COX7B2: variants seen among roughly 807,000 people sequenced by gnomAD.
COX7B2 encodes cytochrome c oxidase subunit 7B2.
For missense variants in COX7B2, 109 were observed against 95.9 expected (o/e 1.14, Z -0.57); for synonymous variants, 37 against 32.1 (o/e 1.15, Z -0.51).
chr4:46,816,872 T>C (rs1466217752), intron 2 of COX7B2, among the ~76,000 whole-genome samples: 12 of 152,182 alleles, frequency 7.9e-5, no homozygotes, highest in Admixed American at 7.9e-4. Flanking sequence ...GAGTCCTACT[T>C]TGAAGTCCTT....
chr4:46,770,856 G>A (rs1020554596), intron 2 of COX7B2, among the ~76,000 whole-genome samples: 4 of 152,016 alleles, frequency 2.6e-5, no homozygotes, highest in Non-Finnish European at 5.9e-5. Flanking sequence ...AAATAAGACC[G>A]GAAACTGTAA....
intron 1 of COX7B2, among the ~76,000 whole-genome samples, chr4:46,884,161 T>A (rs188032516): frequency 8.1e-6 from 1 of 123,258 alleles, no homozygotes; most frequent in Admixed American, 9.5e-5. Flanking sequence ...TATCTAATTA[T>A]GTGTGAGGGG....
intron 2 of COX7B2, among the ~76,000 whole-genome samples, chr4:46,807,337 T>A (rs1174678145): frequency 6.6e-6 from 1 of 151,996 alleles, no homozygotes; most frequent in East Asian, 1.9e-4. Context: ...TCATGTCTTC[T>A]GACCATGATT....
In COX7B2 at chr4:46,756,925, C is replaced by T. The variant is rs148390195; in HGVS notation, c.-49-21684G>A. Among the ~76,000 whole-genome samples, 126 of 152,050 alleles carry T rather than the reference C, an allele frequency of 8.3e-4. No individual in the cohort carries two copies. In the East Asian group the frequency reaches 0.018, roughly 22 times the overall value. ...AGAACTACCATTCAATCCAGCAATC[C>T]AACTACTGGGTATATACCCAAAGGA... On this transcript the variant is annotated intron_variant, in intron 2 of 2. Coordinates refer to ENST00000355591, the MANE Select transcript of COX7B2 (RefSeq NM_130902.3).
At chr4:46,736,039 A>G (rs996756280) in intron 2 of COX7B2, among the ~76,000 whole-genome samples, 1 of 152,190 alleles carries the variant, frequency 6.6e-6, no homozygotes, top group Non-Finnish European at 1.5e-5. Flanking sequence ...CCCAAAGTCC[A>G]TAGTTTACAT....
chr4:46,767,521 C>T (rs1455553839), intron 2 of COX7B2, among the ~76,000 whole-genome samples: 1 of 152,142 alleles, frequency 6.6e-6, no homozygotes, highest in Admixed American at 6.5e-5. Flanking sequence ...CAGACATATA[C>T]AGAACATTCT....
At chr4:46,812,161 T>C (rs1379259882) in intron 2 of COX7B2, among the ~76,000 whole-genome samples, 1 of 152,108 alleles carries the variant, frequency 6.6e-6, no homozygotes. Flanking sequence ...GCTGTGGAAC[T>C]GGGTTCCTGG....
At chr4:46,906,471 G>T (rs1015210847) in intron 1 of COX7B2, among the ~76,000 whole-genome samples, 1 of 152,132 alleles carries the variant, frequency 6.6e-6, no homozygotes, top group Non-Finnish European at 1.5e-5. Context: ...CTTTCAGAAA[G>T]TTTTAACTGT....
chr4:46,882,415 G>A (rs1560435862), intron 1 of COX7B2, among the ~76,000 whole-genome samples: 1 of 152,106 alleles, frequency 6.6e-6, no homozygotes, highest in Non-Finnish European at 1.5e-5. Context: ...TACTATTATT[G>A]TGTGGGAATC....
intron 2 of COX7B2, among the ~76,000 whole-genome samples, chr4:46,774,048 T>A (rs568430379): frequency 6.6e-6 from 1 of 152,164 alleles, no homozygotes; most frequent in Non-Finnish European, 1.5e-5. Context: ...AATCTCCTGC[T>A]AGACAGTCAG....
At chr4:46,875,929 T>C (rs116669315) in intron 1 of COX7B2, among the ~76,000 whole-genome samples, 1 of 152,140 alleles carries the variant, frequency 6.6e-6, no homozygotes, top group Non-Finnish European at 1.5e-5. Context: ...CGGTCTTACT[T>C]TTCTCTGAGT....
At chr4:46,763,164 C>A (rs1026358536) in intron 2 of COX7B2, among the ~76,000 whole-genome samples, 4 of 109,822 alleles carry the variant, frequency 3.6e-5, no homozygotes, top group East Asian at 5.0e-4. Flanking sequence ...TATATATTTA[C>A]AATATATATT....
At chr4:46,738,860 A>G (rs1352696145) in intron 2 of COX7B2, among the ~76,000 whole-genome samples, 2 of 152,130 alleles carry the variant, frequency 1.3e-5, no homozygotes, top group East Asian at 3.8e-4. Flanking sequence ...AGTAAAAGAA[A>G]TATGTTCTGA....
chr4:46,747,085 A>G (rs1236338635), intron 2 of COX7B2, among the ~76,000 whole-genome samples: 1 of 152,130 alleles, frequency 6.6e-6, no homozygotes, highest in African/African-American at 2.4e-5. Context: ...AAGTTTACCT[A>G]TATAACATTT....
At chr4:46,903,374 T>G (rs1368001658) in intron 1 of COX7B2, among the ~76,000 whole-genome samples, 1 of 152,190 alleles carries the variant, frequency 6.6e-6, no homozygotes, top group East Asian at 1.9e-4. Flanking sequence ...AATGATGGAC[T>G]GTCCTATAAT....
At chr4:46,760,008 A>G (rs1716052671) in intron 2 of COX7B2, among the ~76,000 whole-genome samples, 1 of 151,992 alleles carries the variant, frequency 6.6e-6, no homozygotes, top group Admixed American at 6.6e-5. Flanking sequence ...ATATTACCGT[A>G]ACAGAAACAA....
intron 1 of COX7B2, among the ~76,000 whole-genome samples, chr4:46,851,996 C>A (rs1334148270): frequency 6.6e-6 from 1 of 152,022 alleles, no homozygotes; most frequent in Non-Finnish European, 1.5e-5. Flanking sequence ...TGAAACTATG[C>A]AAAATCCTGT....
chr4:46,794,741 A>C (rs10029824), intron 2 of COX7B2, among the ~76,000 whole-genome samples: 1 of 152,128 alleles, frequency 6.6e-6, no homozygotes, highest in African/African-American at 2.4e-5. Flanking sequence ...TCAAAACAGC[A>C]ATAATAATAA....
At chr4:46,754,736 A>ATATATATATATATC (rs1283214596) in intron 2 of COX7B2, among the ~76,000 whole-genome samples, 1 of 127,998 alleles carries the variant, frequency 7.8e-6, no homozygotes, top group South Asian at 2.7e-4. Flanking sequence ...GTGTATATAT[A>ATATATATATATATC]TATATATATA....
Sources: gnomAD v4.1 joint callset for allele counts (sites outside exome capture counted in the v4.1 genomes callset) on GRCh38, gnomAD v4.1.1 for gene constraint, MANE v1.5 for transcripts, NCBI Gene and HGNC (gene_info 2026-07-23, HGNC 2026-07-21) for gene names.